SNTG1: variants seen among roughly 807,000 people sequenced by gnomAD.
SNTG1 encodes syntrophin gamma 1.
SNTG1 carries 39 observed loss-of-function variants against 74.7 expected under a neutral mutation model. The observed-to-expected ratio is 0.52, with a 90% CI of 0.40 to 0.68. The LOEUF (loss-of-function observed/expected upper bound fraction) is 0.68, where lower values mean the gene tolerates loss of function less well. Ranked by LOEUF, SNTG1 falls within the 30% of genes least tolerant of loss-of-function variation. The pLI is 0.00. For synonymous variants in SNTG1, 254 were observed against 217.1 expected (o/e 1.17, Z -1.49); for missense variants, 685 against 609.5 (o/e 1.12, Z -1.30).
chr8:49,925,002 A>G (rs1177804964), intron 1 of SNTG1, among the ~76,000 whole-genome samples: 1 of 151,828 alleles, frequency 6.6e-6, no homozygotes, highest in Non-Finnish European at 1.5e-5. Context: ...AAAGTAAAGT[A>G]ATTATCCGGA....
At chr8:50,716,391 T>C (rs2095475075) in intron 17 of SNTG1, among the ~76,000 whole-genome samples, 1 of 152,090 alleles carries the variant, frequency 6.6e-6, no homozygotes, top group Non-Finnish European at 1.5e-5. Flanking sequence ...AATCTTAGCA[T>C]TTTAAAATTA....
chr8:49,979,357 C>T (rs1410074400), intron 1 of SNTG1, among the ~76,000 whole-genome samples: 1 of 152,172 alleles, frequency 6.6e-6, no homozygotes, highest in Non-Finnish European at 1.5e-5. Context: ...TTTCAGCAGG[C>T]GAGGGTCTGT....
intron 1 of SNTG1, among the ~76,000 whole-genome samples, chr8:49,985,536 T>C (rs549698581): frequency 1.9e-4 from 29 of 152,332 alleles, no homozygotes; most frequent in Middle Eastern, 6.8e-3. Context: ...TTAATATAGA[T>C]TAGGCTTTTA....
intron 4 of SNTG1, among the ~76,000 whole-genome samples, chr8:50,433,079 T>A (rs1460265054): frequency 6.6e-6 from 1 of 152,190 alleles, no homozygotes; most frequent in Admixed American, 6.5e-5. Context: ...CATGAGCCAC[T>A]GCGCCAGGCC....
intron 11 of SNTG1, among the ~76,000 whole-genome samples, chr8:50,551,970 A>T (rs576228184): frequency 1.3e-4 from 20 of 152,116 alleles, no homozygotes; most frequent in Non-Finnish European, 2.6e-4. Context: ...GACATGCTCT[A>T]TGGGGTTTTC....
At chr8:49,932,229 T>C (rs1366892043) in intron 1 of SNTG1, among the ~76,000 whole-genome samples, 2 of 152,144 alleles carry the variant, frequency 1.3e-5, no homozygotes, top group Non-Finnish European at 2.9e-5. Context: ...TTCTAAAACA[T>C]AGTAAGTGCT....
At chr8:50,433,225 T>C (rs1046749965) in intron 4 of SNTG1, among the ~76,000 whole-genome samples, 7 of 152,354 alleles carry the variant, frequency 4.6e-5, no homozygotes, top group Admixed American at 2.0e-4. Flanking sequence ...GAACTTGCTA[T>C]AATTACTTAC....
At chr8:50,472,080 A>G (rs2093658245) in intron 8 of SNTG1, among the ~76,000 whole-genome samples, 1 of 152,300 alleles carries the variant, frequency 6.6e-6, no homozygotes, top group East Asian at 1.9e-4. Flanking sequence ...TCCTATATTC[A>G]TGGACTGGGA....
chr8:50,106,708 C>T (rs773166649), intron 1 of SNTG1, among the ~76,000 whole-genome samples: 12 of 152,126 alleles, frequency 7.9e-5, no homozygotes, highest in South Asian at 2.1e-4. Flanking sequence ...GATATGAATG[C>T]AGAATCCTTC....
At chr8:50,042,450 A>G (rs914919796) in intron 1 of SNTG1, among the ~76,000 whole-genome samples, 3 of 152,196 alleles carry the variant, frequency 2.0e-5, no homozygotes, top group African/African-American at 7.2e-5. Context: ...AGTCTCAGCT[A>G]CAGTTGAGAC....
chr8:50,686,215 A>G (rs974148932), intron 15 of SNTG1, among the ~76,000 whole-genome samples: 1 of 152,198 alleles, frequency 6.6e-6, no homozygotes, highest in Non-Finnish European at 1.5e-5. Flanking sequence ...CTCCTGTTGA[A>G]AATGCCTACA....
intron 1 of SNTG1, among the ~76,000 whole-genome samples, chr8:49,999,988 T>A (rs1383780245): frequency 6.6e-6 from 1 of 152,184 alleles, no homozygotes; most frequent in East Asian, 1.9e-4. Flanking sequence ...AATTGAATAA[T>A]TGTATCTGGT....
At chr8:50,322,241 G>A (rs191488297) in intron 2 of SNTG1, among the ~76,000 whole-genome samples, 1 of 151,988 alleles carries the variant, frequency 6.6e-6, no homozygotes, top group African/African-American at 2.4e-5. Flanking sequence ...TCTCTTTCAT[G>A]CTTGAAAGAT....
At chr8:50,092,800 C>T (rs374225680) in intron 1 of SNTG1, among the ~76,000 whole-genome samples, 37 of 152,194 alleles carry the variant, frequency 2.4e-4, no homozygotes, top group East Asian at 1.7e-3. Context: ...TAATATTATT[C>T]GACAGTCTCT....
At chr8:50,293,908 A>G (rs1395500307) in intron 2 of SNTG1, among the ~76,000 whole-genome samples, 12 of 152,196 alleles carry the variant, frequency 7.9e-5, no homozygotes, top group Non-Finnish European at 1.2e-4. Context: ...AAATAATTCA[A>G]TATTTGACAT....
chr8:50,611,785 G>T (rs1028312960), intron 13 of SNTG1, among the ~76,000 whole-genome samples: 2 of 151,878 alleles, frequency 1.3e-5, no homozygotes, highest in Admixed American at 6.6e-5. Flanking sequence ...AATTTTTTTT[G>T]AGTCAGGGTC....
intron 1 of SNTG1, among the ~76,000 whole-genome samples, chr8:50,037,575 T>C (rs1818270218): frequency 6.6e-6 from 1 of 152,254 alleles, no homozygotes; most frequent in African/African-American, 2.4e-5. Context: ...TTTAAAATTA[T>C]CCTGCTTCTC....
At chr8:50,009,169 T>C (rs1035916219) in intron 1 of SNTG1, among the ~76,000 whole-genome samples, 1 of 152,220 alleles carries the variant, frequency 6.6e-6, no homozygotes, top group African/African-American at 2.4e-5. Flanking sequence ...ATCCTTATTC[T>C]ATATGGCCTG....
At chr8:50,595,494 T>A (rs1028157802) in intron 13 of SNTG1, among the ~76,000 whole-genome samples, 1 of 152,042 alleles carries the variant, frequency 6.6e-6, no homozygotes, top group African/African-American at 2.4e-5. Flanking sequence ...AAATATACAC[T>A]TCAGAAGACT....
Sources: gnomAD v4.1 joint callset for allele counts (sites outside exome capture counted in the v4.1 genomes callset) on GRCh38, gnomAD v4.1.1 for gene constraint, MANE v1.5 for transcripts, NCBI Gene and HGNC (gene_info 2026-07-23, HGNC 2026-07-21) for gene names.